Variants in FAM20C observed in about 807,000 individuals in gnomAD.
FAM20C encodes the protein extracellular serine/threonine protein kinase FAM20C.
Under a neutral mutation model 51.5 loss-of-function variants are expected in FAM20C, and 40 were observed. The ratio of observed to expected loss-of-function variants is 0.78; its 90% confidence interval spans 0.60 to 1.01. FAM20C has a LOEUF of 1.01. Among genes scored for constraint, FAM20C ranks in the 50% least tolerant of loss-of-function variants. The probability of loss-of-function intolerance (pLI) is 0.00; values close to 1 mark genes in which losing one functional copy is unlikely to be tolerated. For missense variants in FAM20C, 861 were observed against 844.7 expected, an observed-to-expected ratio of 1.02 and a Z score of -0.24; for synonymous variants, 406 against 380.6, an observed-to-expected ratio of 1.07 and a Z score of -0.78.
intron 3 of FAM20C, among the ~76,000 whole-genome samples, chr7:232,976 C>T (rs956558370): frequency 0.12 from 18,188 of 152,260 alleles, 2,162 homozygotes; most frequent in African/African-American, 0.31. Flanking sequence ...GGAGGAAACA[C>T]GGACGTTCGG....
chr7:209,669 G>A (rs1786608656), intron 3 of FAM20C, among the ~76,000 whole-genome samples: 2 of 152,242 alleles, frequency 1.3e-5, no homozygotes, highest in Admixed American at 1.3e-4. Context: ...GGGGTCTGTG[G>A]CAGGCGTCCC....
rs1368022549 is a variant in FAM20C, at chr7:206,808, G to C, written c.785-2090G>C. On this transcript the variant is annotated intron_variant, in intron 2 of 9. Coordinates refer to ENST00000313766, the MANE Select transcript of FAM20C (RefSeq NM_020223.4). ...GCCCCGCACACGTGTCCACTGTGAC[G>C]CGTCGGTCACTGTCCCCTCGGCCCC... 3.8e-5 allele frequency among the ~76,000 whole-genome samples: 5 copies of C among 132,644 alleles called. No individual in the cohort carries two copies. In the East Asian group the frequency reaches 1.2e-3, roughly 31 times the overall value. The allele number at this position is 132,644 out of a possible 152,430, so 87.0% of individuals were successfully genotyped here.
intron 3 of FAM20C, among the ~76,000 whole-genome samples, chr7:226,999 T>A (rs1329681535): frequency 6.6e-6 from 1 of 152,054 alleles, no homozygotes; most frequent in African/African-American, 2.4e-5. Flanking sequence ...CACCCTCCCC[T>A]CGGCTGTTCC....
intron 8 of FAM20C, among the ~76,000 whole-genome samples, chr7:258,244 CACTGCCTG>C: frequency 7.2e-6 from 1 of 139,802 alleles, no homozygotes; most frequent in Non-Finnish European, 1.5e-5. Flanking sequence ...GGGGTGGACC[CACTGCCTG>C]AGGTGCTGGA....
intron 3 of FAM20C, among the ~76,000 whole-genome samples, chr7:244,895 C>A (rs1374944937): frequency 3.3e-5 from 5 of 152,214 alleles, no homozygotes; most frequent in African/African-American, 1.2e-4. Context: ...ATCTTTAACC[C>A]CCCATAAGAA....
chr7:237,277 A>G (rs1167152237), intron 3 of FAM20C, among the ~76,000 whole-genome samples: 1 of 152,252 alleles, frequency 6.6e-6, no homozygotes, highest in Non-Finnish European at 1.5e-5. Context: ...TTCCACGTGC[A>G]TGAACTGCTC....
chr7:258,553 C>G (rs551203306), intron 8 of FAM20C, 93 bp from the exon 9 acceptor site: 3 of 1,299,574 alleles, frequency 2.3e-6, no homozygotes, highest in South Asian at 2.5e-5. Context: ...GTGTCGGGTA[C>G]AGGCAGGTGG....
intron 7 of FAM20C, 39 bp downstream of exon 7, chr7:256,802 C>T: frequency 1.3e-6 from 2 of 1,517,008 alleles, no homozygotes; most frequent in South Asian, 1.2e-5. Context: ...GTGTCACTCG[C>T]CTTGCGTGGA....
Position 246,369 on chromosome 7 carries a change from G to A in FAM20C, c.864-46G>A, listed in dbSNP as rs574747123. 144 of 1,491,060 alleles carry A rather than the reference G, an allele frequency of 9.7e-5. No homozygotes were observed. The African/African-American group carries it at 1.6e-3, about 17-fold the overall frequency. The allele number at this position is 1,491,060 out of a possible 1,614,324, so 92.4% of individuals were successfully genotyped here. ...TCCCGCCTGCCTCCGGCCCCTGGAG[G>A]CTTTCTCAGTGACAAACCGTTTCTG... On this transcript the variant is annotated intron_variant, in intron 3 of 9. Coordinates refer to ENST00000313766, the MANE Select transcript of FAM20C (RefSeq NM_020223.4).
chr7:212,324 G>C (rs1462863398), intron 3 of FAM20C, among the ~76,000 whole-genome samples: 2 of 152,180 alleles, frequency 1.3e-5, no homozygotes, highest in Non-Finnish European at 2.9e-5. Context: ...TTAGCCGGGT[G>C]TGGTGGTTTG....
intron 5 of FAM20C, among the ~76,000 whole-genome samples, chr7:251,725 A>G (rs879143864): frequency 1.3e-5 from 2 of 152,110 alleles, no homozygotes; most frequent in Admixed American, 1.3e-4. Context: ...GTCTCCCTGG[A>G]GCCAGCACTT....
rs569083267 is a variant in FAM20C, at chr7:192,667, G to GC, written c.-525dup. ...CCCGCGCCCACCCCTTCCGCCCTTC[G>GC]CCCCCCCCTTCCCCCCAGCCCCGGT... On this transcript the variant is annotated 5_prime_UTR_variant, in exon 1 of 10. Transcript: ENST00000313766. Among the ~76,000 whole-genome samples the GC allele has an allele frequency of 1.1e-3, 151 of 142,838 alleles. 1 individual carries two copies. The East Asian group carries it at 0.015, about 14-fold the overall frequency. The allele number at this position is 142,838 out of a possible 152,430, so 93.7% of individuals were successfully genotyped here.
chr7:214,630 C>T (rs1786877005), intron 3 of FAM20C, among the ~76,000 whole-genome samples: 1 of 152,158 alleles, frequency 6.6e-6, no homozygotes, highest in South Asian at 2.1e-4. Flanking sequence ...CCCTCACCTC[C>T]TGGAACTCAG....
intron 2 of FAM20C, among the ~76,000 whole-genome samples, chr7:200,345 G>T (rs1254375220): frequency 1.3e-5 from 2 of 152,224 alleles, no homozygotes; most frequent in East Asian, 1.9e-4. Flanking sequence ...AGGGCTGGGG[G>T]ACCTTGGGTT....
At chr7:199,086 G>A (rs1483515415) in intron 2 of FAM20C, among the ~76,000 whole-genome samples, 2 of 152,246 alleles carry the variant, frequency 1.3e-5, no homozygotes, top group African/African-American at 4.8e-5. Flanking sequence ...AAGAGGGCTG[G>A]CCTAGGCCAG....
intron 3 of FAM20C, among the ~76,000 whole-genome samples, chr7:226,451 C>CGTA (rs753491044): frequency 6.6e-5 from 10 of 152,320 alleles, no homozygotes; most frequent in Admixed American, 3.3e-4. Context: ...CAGCGCTTAC[C>CGTA]AGCCAAGGAC....
At chr7:213,641 G>C (rs1360540088) in intron 3 of FAM20C, among the ~76,000 whole-genome samples, 1 of 152,170 alleles carries the variant, frequency 6.6e-6, no homozygotes, top group Non-Finnish European at 1.5e-5. Context: ...CGTGTATGAG[G>C]TTTTGCAGGG....
intron 1 of FAM20C, among the ~76,000 whole-genome samples, chr7:194,956 G>A (rs780803735): frequency 1.3e-4 from 20 of 152,210 alleles, no homozygotes; most frequent in Non-Finnish European, 2.1e-4. Context: ...CTGCGTGGGC[G>A]GCGGGTCCTC....
Position 195,693 on chromosome 7 carries a change from C to G in FAM20C, c.745C>G (p.Leu249Val). ...CAGACACAACCCGGCCATCGAGGCC[C>G]TGCTGCACGACCTCAGCTCCCAGAG... ...YSRHNPAIEA[L>V]LHDLSSQRIT... Residue 249 changes from leucine (L) to valine (V), a missense_variant, in exon 2 of 10, where the codon CTG becomes GTG. Physicochemically the swap from Leu to Val is conservative, Grantham distance 32. Around this residue, in one of 3 missense-constraint regions of FAM20C, gnomAD observed 561 missense variants for 499.8 expected, o/e 1.12. Coordinates refer to ENST00000313766, the MANE Select transcript of FAM20C (RefSeq NM_020223.4). 1 of 1,610,694 alleles carries G rather than the reference C, an allele frequency of 6.2e-7. No homozygotes were observed. Among genetic ancestry groups the G allele is most frequent in the South Asian group, 1.1e-5 (1 of 90,652 alleles).
Sources: allele counts gnomAD v4.1 joint callset (sites outside exome capture counted in the v4.1 genomes callset), GRCh38; gene constraint gnomAD v4.1.1; regional missense constraint gnomAD v4.1.1; transcripts MANE v1.5; gene names NCBI Gene and HGNC (gene_info 2026-07-23, HGNC 2026-07-21).